IMPG1: variants seen among roughly 807,000 people sequenced by gnomAD.
IMPG1 encodes the protein interphotoreceptor matrix proteoglycan of 150 kDa.
In IMPG1, 85 loss-of-function variants were observed where a neutral mutation model predicts 92.0. That is an observed-to-expected ratio of 0.92 (90% CI 0.78 to 1.11). The LOEUF (loss-of-function observed/expected upper bound fraction) is 1.11, where lower values mean the gene tolerates loss of function less well. IMPG1 is among the 50% of genes least tolerant of loss of function. The pLI, the probability that IMPG1 is intolerant of heterozygous loss-of-function variation, is 0.00. For missense variants in IMPG1, 1,022 were observed against 956.0 expected (o/e 1.07, Z -0.91); for synonymous variants, 367 against 334.1 (o/e 1.10, Z -1.08).
chr6:75,965,311 C>T (rs1782288113), intron 12 of IMPG1, among the ~76,000 whole-genome samples: 1 of 151,736 alleles, frequency 6.6e-6, no homozygotes, highest in Non-Finnish European at 1.5e-5. Context: ...ATTTCCACCA[C>T]CAGCAATGTA....
Position 76,046,518 on chromosome 6 carries a change from A to G in IMPG1, c.68-4392T>C, listed in dbSNP as rs1783946679. Among the ~76,000 whole-genome samples the G allele has an allele frequency of 1.3e-5, 2 of 152,218 alleles. 1 individual carries two copies. The highest frequency in any genetic ancestry group is 4.8e-5 in the African/African-American group (2 of 41,460). On this transcript the variant is annotated intron_variant, in intron 1 of 16. Coordinates refer to ENST00000369950, the MANE Select transcript of IMPG1 (RefSeq NM_001563.4). Reference sequence around the variant, plus strand: ...TTCTGAATTTAACTTAAATATGTTCATTACTTATGAAAGAAAAAGGTAGTA... The same window carrying G: ...TTCTGAATTTAACTTAAATATGTTCGTTACTTATGAAAGAAAAAGGTAGTA...
intron 12 of IMPG1, among the ~76,000 whole-genome samples, chr6:75,966,655 G>A (rs903225351): frequency 6.6e-6 from 1 of 152,128 alleles, no homozygotes; most frequent in Admixed American, 6.5e-5. Flanking sequence ...AAAACAATTT[G>A]ACTGAAGACA....
At chr6:76,024,562 T>C (rs1187550239) in intron 5 of IMPG1, among the ~76,000 whole-genome samples, 1 of 152,170 alleles carries the variant, frequency 6.6e-6, no homozygotes, top group Non-Finnish European at 1.5e-5. Context: ...TTCTTGTCTT[T>C]TCTGCCAGTG....
intron 1 of IMPG1, among the ~76,000 whole-genome samples, chr6:76,053,710 A>C (rs1459690325): frequency 1.3e-5 from 2 of 152,100 alleles, no homozygotes; most frequent in Non-Finnish European, 2.9e-5. Context: ...TACTTATATC[A>C]GAGTCGGCTC....
chr6:75,977,671 T>A (rs1782562326), intron 12 of IMPG1, among the ~76,000 whole-genome samples: 1 of 151,876 alleles, frequency 6.6e-6, no homozygotes, highest in Non-Finnish European at 1.5e-5. Context: ...CATAAAGAAC[T>A]CGAGGTGGAC....
At chr6:75,982,595 AT>A (rs1562358389) in intron 12 of IMPG1, among the ~76,000 whole-genome samples, 24 of 149,744 alleles carry the variant, frequency 1.6e-4, no homozygotes, top group South Asian at 2.1e-4. Flanking sequence ...AGATATATAT[AT>A]GTGTGTGTAT....
At chr6:76,015,375 G>A (rs2149481141) in intron 7 of IMPG1, among the ~76,000 whole-genome samples, 1 of 152,294 alleles carries the variant, frequency 6.6e-6, no homozygotes, top group South Asian at 2.1e-4. Flanking sequence ...TGTAAGCAGA[G>A]GGGTTCAATC....
chr6:76,039,509 C>T (rs925467037), intron 2 of IMPG1, among the ~76,000 whole-genome samples: 6 of 152,168 alleles, frequency 3.9e-5, no homozygotes, highest in African/African-American at 7.2e-5. Flanking sequence ...GCGTGCGCCA[C>T]CATGCCCAGC....
chr6:76,039,619 G>A (rs1434575113), intron 2 of IMPG1, among the ~76,000 whole-genome samples: 2 of 152,184 alleles, frequency 1.3e-5, no homozygotes, highest in Non-Finnish European at 2.9e-5. Context: ...GTCTCACAAA[G>A]TGCTGGGATT....
chr6:75,924,678 T>TATATC (rs1781509961), intron 15 of IMPG1, among the ~76,000 whole-genome samples: 3 of 3,002 alleles, frequency 1.0e-3, no homozygotes, highest in African/African-American at 3.2e-3. Context: ...AATTATATAT[T>TATATC]ATATATTATA....
chr6:76,056,628 T>C (rs1784124888), intron 1 of IMPG1, among the ~76,000 whole-genome samples: 1 of 152,192 alleles, frequency 6.6e-6, no homozygotes, highest in African/African-American at 2.4e-5. Flanking sequence ...AAAATAGCCG[T>C]AGTAATTTAT....
intron 2 of IMPG1, among the ~76,000 whole-genome samples, chr6:76,038,172 A>G (rs575986423): frequency 6.6e-6 from 1 of 152,290 alleles, no homozygotes; most frequent in South Asian, 2.1e-4. Flanking sequence ...TGAGCAGTCA[A>G]ATAAGAGGTA....
At chr6:76,024,308 A>G (rs1783484901) in intron 5 of IMPG1, among the ~76,000 whole-genome samples, 2 of 152,192 alleles carry the variant, frequency 1.3e-5, no homozygotes, top group Admixed American at 1.3e-4. Context: ...TTAATTTCTT[A>G]AAACATTATT....
intron 12 of IMPG1, among the ~76,000 whole-genome samples, chr6:75,965,853 C>A (rs763735829): frequency 6.6e-6 from 1 of 152,142 alleles, no homozygotes; most frequent in South Asian, 2.1e-4. Context: ...GTGATCTGCC[C>A]GCCTTGGCCT....
chr6:76,034,794 TAC>T lies in IMPG1; in HGVS notation c.302-9_302-8del. On this transcript the variant is annotated splice_region_variant and splice_polypyrimidine_tract_variant and intron_variant, in intron 2 of 16. Coordinates refer to ENST00000369950, the MANE Select transcript of IMPG1 (RefSeq NM_001563.4). Reference sequence around the variant, plus strand: ...CATACTGCTTCCTGACACACTGTAATACAGAGTCATTAATGGCCATGCCCTAA... The same window carrying T: ...CATACTGCTTCCTGACACACTGTAATAGAGTCATTAATGGCCATGCCCTAA... 4 of 1,609,380 alleles carry T rather than the reference TAC, an allele frequency of 2.5e-6. No individual in the cohort carries two copies. The highest frequency in any genetic ancestry group is 2.2e-5 in the East Asian group (1 of 44,744).
chr6:75,939,364 C>T (rs919924585), intron 14 of IMPG1, among the ~76,000 whole-genome samples: 2 of 152,052 alleles, frequency 1.3e-5, no homozygotes, highest in African/African-American at 4.8e-5. Context: ...CCCCACCCCA[C>T]AACAGGCCCC....
chr6:76,035,273 T>A (rs1383491406), intron 2 of IMPG1, among the ~76,000 whole-genome samples: 1 of 151,494 alleles, frequency 6.6e-6, no homozygotes, highest in African/African-American at 2.4e-5. Context: ...GAGGCTGAGG[T>A]GGGCGGATCA....
chr6:75,938,833 A>AAACAG (rs1299045334), intron 14 of IMPG1, among the ~76,000 whole-genome samples: 1 of 150,800 alleles, frequency 6.6e-6, no homozygotes, highest in East Asian at 1.9e-4. Context: ...AAACAAAACA[A>AAACAG]AACAAAACAA....
intron 12 of IMPG1, among the ~76,000 whole-genome samples, chr6:75,965,880 T>G (rs1235326598): frequency 1.3e-5 from 2 of 152,218 alleles, no homozygotes; most frequent in Non-Finnish European, 2.9e-5. Context: ...GTGCTAGGAT[T>G]ACAGGCATGA....
Sources: allele counts gnomAD v4.1 joint callset (sites outside exome capture counted in the v4.1 genomes callset), GRCh38; gene constraint gnomAD v4.1.1; transcripts MANE v1.5; gene names NCBI Gene and HGNC (gene_info 2026-07-23, HGNC 2026-07-21).